Variants in MMP20 observed in about 807,000 individuals in gnomAD.
MMP20 encodes the protein matrix metallopeptidase 20, also known as matrix metalloproteinase-20.
In MMP20, 50 loss-of-function variants were observed where a neutral mutation model predicts 51.8. The ratio of observed to expected loss-of-function variants is 0.97; its 90% CI spans 0.77 to 1.22. The LOEUF (loss-of-function observed/expected upper bound fraction) is 1.22, where lower values mean the gene tolerates loss of function less well. Ranked by LOEUF, MMP20 falls within the 50% of genes most tolerant of loss-of-function variation. The probability of loss-of-function intolerance (pLI) is 0.00; values close to 1 mark genes in which losing one functional copy is unlikely to be tolerated. For synonymous variants in MMP20, 244 were observed against 216.2 expected, an observed-to-expected ratio of 1.13 and a Z score of -1.13; for missense variants, 663 against 601.4, an observed-to-expected ratio of 1.10 and a Z score of -1.07.
chr11:102,602,864 T>A (rs1230817413), intron 6 of MMP20, among the ~76,000 whole-genome samples: 2 of 152,222 alleles, frequency 1.3e-5, no homozygotes, highest in Non-Finnish European at 2.9e-5. Flanking sequence ...GCAAATATAA[T>A]TTTGGTGTGG....
intron 1 of MMP20, among the ~76,000 whole-genome samples, chr11:102,622,617 G>T (rs532295191): frequency 2.0e-5 from 3 of 152,192 alleles, no homozygotes; most frequent in Non-Finnish European, 2.9e-5. Context: ...CTGTCATCCT[G>T]ATTAACTTCT....
At chr11:102,624,118 C>T (rs1859785833) in intron 1 of MMP20, among the ~76,000 whole-genome samples, 1 of 152,176 alleles carries the variant, frequency 6.6e-6, no homozygotes, top group East Asian at 1.9e-4. Flanking sequence ...GTGGCAGAAA[C>T]AATCGGTAGG....
intron 6 of MMP20, among the ~76,000 whole-genome samples, chr11:102,605,656 T>G (rs1446597216): frequency 1.3e-5 from 2 of 152,022 alleles, no homozygotes; most frequent in Non-Finnish European, 2.9e-5. Flanking sequence ...TTCTCATACA[T>G]GAGACTACAC....
At position 102,610,759 on chromosome 11, in the gene MMP20, G is replaced by GT. The variant is rs1356660144; in HGVS notation, c.524-730dup. Among the ~76,000 whole-genome samples, 182 of 146,724 alleles carry GT rather than the reference G, an allele frequency of 1.2e-3. 1 individual carries two copies. Among genetic ancestry groups the GT allele is most frequent in the South Asian group, 4.5e-3 (21 of 4,712 alleles). On this transcript the variant is annotated intron_variant, in intron 3 of 9. Transcript: ENST00000260228. Reference sequence around the variant, plus strand: ...TAGTAAGGATACCCAGTTTTAGTTTGTTTTTTTTTTTTAAAAAGCCGACAG... The same window carrying GT: ...TAGTAAGGATACCCAGTTTTAGTTTGTTTTTTTTTTTTTAAAAAGCCGACAG...
At chr11:102,605,847 G>T (rs1859507976) in intron 6 of MMP20, among the ~76,000 whole-genome samples, 1 of 152,210 alleles carries the variant, frequency 6.6e-6, no homozygotes, top group South Asian at 2.1e-4. Context: ...TCCATGGAAA[G>T]AAGTATTTGG....
chr11:102,615,858 C>A (rs1565399798), intron 2 of MMP20, among the ~76,000 whole-genome samples: 1 of 152,200 alleles, frequency 6.6e-6, no homozygotes, highest in South Asian at 2.1e-4. Flanking sequence ...TCTTTTCTGA[C>A]CTGCACCCAT....
chr11:102,578,655 G>A (rs1373558349), intron 9 of MMP20, among the ~76,000 whole-genome samples: 2 of 152,100 alleles, frequency 1.3e-5, no homozygotes, highest in African/African-American at 4.8e-5. Context: ...AGAATCGCTC[G>A]AATCTGGGAG....
intron 2 of MMP20, among the ~76,000 whole-genome samples, chr11:102,614,499 G>A (rs1336202693): frequency 1.3e-5 from 2 of 152,170 alleles, no homozygotes; most frequent in African/African-American, 4.8e-5. Flanking sequence ...ACATAGTCAT[G>A]GACTAAAATT....
intron 6 of MMP20, 61 bp downstream of exon 6, chr11:102,606,474 G>A (rs978602423): frequency 6.2e-6 from 10 of 1,607,242 alleles, no homozygotes; most frequent in Admixed American, 3.3e-5. Flanking sequence ...CCTGTGGGAC[G>A]ACGTTTGTCT....
intron 6 of MMP20, among the ~76,000 whole-genome samples, chr11:102,602,531 T>C (rs1859461681): frequency 6.6e-6 from 1 of 152,178 alleles, no homozygotes; most frequent in African/African-American, 2.4e-5. Context: ...TAACAGTCAA[T>C]GGGCATATGT....
intron 8 of MMP20, among the ~76,000 whole-genome samples, chr11:102,587,890 A>G (rs1859272477): frequency 6.6e-6 from 1 of 152,098 alleles, no homozygotes; most frequent in African/African-American, 2.4e-5. Flanking sequence ...GTTTTTTACA[A>G]TCCAATCTGG....
intron 6 of MMP20, among the ~76,000 whole-genome samples, chr11:102,602,116 A>ATTTTT (rs10593493): frequency 7.9e-4 from 87 of 109,618 alleles, no homozygotes; most frequent in East Asian, 4.2e-3. Context: ...CGCCCGGCTA[A>ATTTTT]TTTTTTTTTT....
At chr11:102,577,634 G>A (rs191191187) in intron 9 of MMP20, among the ~76,000 whole-genome samples, 11 of 152,222 alleles carry the variant, frequency 7.2e-5, no homozygotes, top group East Asian at 1.9e-4. Context: ...TGTTCCAGCC[G>A]GGGTAAGGCC....
chr11:102,620,815 T>A (rs1436930341), intron 1 of MMP20, among the ~76,000 whole-genome samples: 1 of 152,166 alleles, frequency 6.6e-6, no homozygotes, highest in Non-Finnish European at 1.5e-5. Flanking sequence ...ACACTAAATG[T>A]CATTCTCAGT....
At chr11:102,593,367 G>A (rs1290331163) in intron 8 of MMP20, 72 bp downstream of exon 8, 3 of 1,531,216 alleles carry the variant, frequency 2.0e-6, no homozygotes, top group African/African-American at 1.4e-5. Context: ...ATTCTTTCGT[G>A]GAAGGGTTTT....
intron 8 of MMP20, among the ~76,000 whole-genome samples, chr11:102,591,236 C>T (rs1195579630): frequency 6.6e-6 from 1 of 152,190 alleles, no homozygotes; most frequent in Non-Finnish European, 1.5e-5. Context: ...TTGTTGCATA[C>T]ACCAGTGTAT....
At chr11:102,602,193 C>T (rs1859457089) in intron 6 of MMP20, among the ~76,000 whole-genome samples, 1 of 141,282 alleles carries the variant, frequency 7.1e-6, no homozygotes, top group African/African-American at 2.7e-5. Context: ...TGGTCTCCAT[C>T]TCCTGACCTT....
Position 102,608,712 on chromosome 11 carries a change from T to C in MMP20, c.811+225A>G, listed in dbSNP as rs146639605. ...TAAACCGACAAATGACTATATTTTC[T>C]AAGGCTATCCAGGACTAATATGCTG... is the stretch of plus-strand genomic sequence containing the variant. On this transcript the variant is annotated intron_variant, in intron 5 of 9. Transcript: ENST00000260228. 5.9e-5 allele frequency among the ~76,000 whole-genome samples: 9 copies of C among 152,344 alleles called. No individual in the cohort carries two copies. The East Asian group carries it at 9.6e-4, about 16-fold the overall frequency.
intron 6 of MMP20, among the ~76,000 whole-genome samples, chr11:102,599,606 T>C (rs1418360012): frequency 6.6e-6 from 1 of 152,244 alleles, no homozygotes; most frequent in Non-Finnish European, 1.5e-5. Context: ...ATGTTTTTAC[T>C]CCACAAATTT....
Sources: allele counts gnomAD v4.1 joint callset (sites outside exome capture counted in the v4.1 genomes callset), GRCh38; gene constraint gnomAD v4.1.1; transcripts MANE v1.5; gene names NCBI Gene and HGNC (gene_info 2026-07-23, HGNC 2026-07-21).